PCDH11X: variants seen among roughly 807,000 people sequenced by gnomAD.
The protein encoded by PCDH11X is protocadherin-11 X-linked.
PCDH11X carries 18 observed loss-of-function variants against 53.3 expected under a neutral mutation model. The observed-to-expected ratio is 0.34, with a 90% confidence interval of 0.23 to 0.50. PCDH11X has a LOEUF of 0.50. Among genes scored for constraint, PCDH11X ranks in the 20% least tolerant of loss-of-function variants. The probability of loss-of-function intolerance (pLI) is 0.98; values close to 1 mark genes in which losing one functional copy is unlikely to be tolerated. For synonymous variants in PCDH11X, 279 were observed against 393.3 expected (o/e 0.71, Z 3.44); for missense variants, 570 against 1,032.4 (o/e 0.55, Z 6.14).
At chrX:92,293,622 C>CAA (rs10685775) in intron 8 of PCDH11X, among the ~76,000 whole-genome samples, 1,334 of 55,462 alleles carry the variant, frequency 0.024, 66 homozygotes, top group African/African-American at 0.071. Flanking sequence ...GACTCCGTCT[C>CAA]AAAAAAAAAA....
rs745455726 is a variant in PCDH11X, at chrX:91,930,624, C to G, written c.3033+51351C>G. ...ACTTTGGGGTACAACTTGTGACCAT[C>G]AAAAGTGAGAAGTAGGGGATTAGCC... On this transcript the variant is annotated intron_variant, in intron 6 of 10. Transcript: ENST00000682573. Among the ~76,000 whole-genome samples, 282 of 106,669 alleles carry G rather than the reference C, an allele frequency of 2.6e-3. 1 individual carries two copies. The highest frequency in any genetic ancestry group is 9.0e-3 in the African/African-American group (265 of 29,502). 92.6% of individuals were successfully genotyped at this position (106,669 alleles called of 115,157 possible).
intron 8 of PCDH11X, among the ~76,000 whole-genome samples, chrX:92,310,549 G>T (rs2068927265): frequency 9.1e-6 from 1 of 110,259 alleles, no homozygotes; most frequent in African/African-American, 3.3e-5. Flanking sequence ...CCACCACATT[G>T]GGCTAATTTT....
intron 6 of PCDH11X, among the ~76,000 whole-genome samples, chrX:92,168,719 A>G (rs2065775697): frequency 1.8e-5 from 2 of 111,765 alleles, no homozygotes; most frequent in Admixed American, 1.9e-4. Context: ...GTTATTTTAG[A>G]TATCATCTAT....
chrX:91,852,600 A>G (rs1938093718), intron 5 of PCDH11X, among the ~76,000 whole-genome samples: 1 of 110,933 alleles, frequency 9.0e-6, no homozygotes, highest in South Asian at 3.8e-4. Flanking sequence ...TAGGATTGCA[A>G]TTTTCATTGT....
At chrX:91,854,916 T>C (rs1376290925) in intron 5 of PCDH11X, among the ~76,000 whole-genome samples, 1 of 111,732 alleles carries the variant, frequency 8.9e-6, no homozygotes, top group Non-Finnish European at 1.9e-5. Context: ...AGATGGGTAG[T>C]TTGCAATATT....
At chrX:92,267,573 G>A (rs1435041644) in intron 8 of PCDH11X, among the ~76,000 whole-genome samples, 1 of 112,080 alleles carries the variant, frequency 8.9e-6, no homozygotes, top group African/African-American at 3.2e-5. Flanking sequence ...TACCCATTTT[G>A]CTGGTGTCTC....
At position 92,243,227 on chromosome X, in the gene PCDH11X, C is replaced by G. The variant is rs551847470; in HGVS notation, c.3115-19887C>G. ...AGACGTTTTATAATTTTACACCTTA[C>G]ATTTGAGTTAATTTTGAATTAATTT... is the stretch of plus-strand genomic sequence containing the variant. On this transcript the variant is annotated intron_variant, in intron 7 of 10. Coordinates refer to ENST00000682573, the MANE Select transcript of PCDH11X (RefSeq NM_032968.5). Among the ~76,000 whole-genome samples the G allele has an allele frequency of 4.0e-4, 45 of 111,655 alleles. No individual in the cohort carries two copies. In the South Asian group the frequency reaches 5.6e-3, roughly 14 times the overall value.
chrX:92,367,391 T>C (rs1184950305), intron 8 of PCDH11X, among the ~76,000 whole-genome samples: 1 of 111,475 alleles, frequency 9.0e-6, no homozygotes, highest in Non-Finnish European at 1.9e-5. Context: ...CTGTGTATCT[T>C]TGCACGTGAG....
At chrX:92,526,567 A>C (rs2074455803) in intron 10 of PCDH11X, among the ~76,000 whole-genome samples, 1 of 106,654 alleles carries the variant, frequency 9.4e-6, no homozygotes, top group Admixed American at 1.0e-4. Context: ...ATGCAAATCC[A>C]AACTGCAATG....
chrX:92,218,814 C>T (rs1230963396), intron 7 of PCDH11X, among the ~76,000 whole-genome samples: 1 of 111,317 alleles, frequency 9.0e-6, no homozygotes, highest in Non-Finnish European at 1.9e-5. Flanking sequence ...ACTGGCAAAC[C>T]GAATCCAGCA....
intron 6 of PCDH11X, among the ~76,000 whole-genome samples, chrX:92,082,674 T>G (rs888069275): frequency 9.1e-6 from 1 of 110,114 alleles, no homozygotes; most frequent in East Asian, 2.9e-4. Context: ...TATGTATTCT[T>G]ATTTAAAACT....
chrX:92,487,334 T>A (rs2073665445), intron 10 of PCDH11X, among the ~76,000 whole-genome samples: 1 of 109,595 alleles, frequency 9.1e-6, no homozygotes, highest in Non-Finnish European at 1.9e-5. Context: ...ACACACAACT[T>A]CCCAATTGGA....
intron 6 of PCDH11X, among the ~76,000 whole-genome samples, chrX:91,947,366 A>C (rs1208233118): frequency 1.9e-5 from 2 of 105,466 alleles, no homozygotes; most frequent in Non-Finnish European, 3.9e-5. Context: ...CTATAGTCAC[A>C]TTCAGGGAAC....
At chrX:92,078,101 C>A (rs1029462656) in intron 6 of PCDH11X, among the ~76,000 whole-genome samples, 1 of 107,855 alleles carries the variant, frequency 9.3e-6, no homozygotes, top group African/African-American at 3.4e-5. Context: ...CCCTCTTCTG[C>A]GTACCTGTTA....
In PCDH11X at chrX:91,847,928, T is replaced by C. The variant is rs181392748; in HGVS notation, c.540+11884T>C. 1.9e-3 allele frequency among the ~76,000 whole-genome samples: 214 copies of C among 112,293 alleles called. 8 individuals are homozygous for C. In the South Asian group the frequency reaches 0.064, roughly 34 times the overall value. ...ATATTATTCAAATAGGTGAAGACTA[T>C]GTCGTTTGCTTCTATGCACTGATCC... is the stretch of plus-strand genomic sequence containing the variant. On this transcript the variant is annotated intron_variant, in intron 5 of 10. Transcript: ENST00000682573.
At chrX:92,321,346 C>A (rs988839660) in intron 8 of PCDH11X, among the ~76,000 whole-genome samples, 4 of 108,407 alleles carry the variant, frequency 3.7e-5, no homozygotes, top group African/African-American at 1.4e-4. Flanking sequence ...GCGCCTGCCA[C>A]CATGCCCAGC....
intron 6 of PCDH11X, among the ~76,000 whole-genome samples, chrX:92,061,091 C>T (rs1445803217): frequency 1.8e-5 from 2 of 112,007 alleles, no homozygotes; most frequent in Non-Finnish European, 3.8e-5. Flanking sequence ...TGATACTGAA[C>T]ATTTTTTCAT....
At chrX:91,914,332 T>C (rs1040234310) in intron 6 of PCDH11X, among the ~76,000 whole-genome samples, 2 of 111,132 alleles carry the variant, frequency 1.8e-5, no homozygotes, top group African/African-American at 6.6e-5. Context: ...AATCCTGTTA[T>C]AGAACACGGT....
chrX:91,933,816 T>C (rs1049293886), intron 6 of PCDH11X, among the ~76,000 whole-genome samples: 3 of 110,954 alleles, frequency 2.7e-5, no homozygotes, highest in African/African-American at 9.8e-5. Context: ...CTAAGCAAAT[T>C]TCATTTTGTT....
Sources: gnomAD v4.1 joint callset for allele counts (sites outside exome capture counted in the v4.1 genomes callset) on GRCh38, gnomAD v4.1.1 for gene constraint, MANE v1.5 for transcripts, NCBI Gene and HGNC (gene_info 2026-07-23, HGNC 2026-07-21) for gene names.